The following NAALADL2 variants were observed in gnomAD, a reference collection of about 807,000 sequenced individuals.
The protein encoded by NAALADL2 is N-acetylated alpha-linked acidic dipeptidase like 2.
Under a neutral mutation model 87.2 loss-of-function variants are expected in NAALADL2, and 76 were observed. That is an observed-to-expected ratio of 0.87 (90% CI 0.72 to 1.05). The LOEUF (loss-of-function observed/expected upper bound fraction) is 1.05. NAALADL2 is among the 50% of genes least tolerant of loss of function. The pLI, the probability that NAALADL2 is intolerant of heterozygous loss-of-function variation, is 0.00. For missense variants in NAALADL2, 1,089 were observed against 945.8 expected (o/e 1.15, Z -1.99); for synonymous variants, 354 against 331.0 (o/e 1.07, Z -0.75).
intron 9 of NAALADL2, among the ~76,000 whole-genome samples, chr3:175,565,297 G>C (rs1352450733): frequency 6.6e-6 from 1 of 152,138 alleles, no homozygotes; most frequent in African/African-American, 2.4e-5. Flanking sequence ...CATCTAATAT[G>C]ATGTCCATTT....
chr3:174,585,662 GT>G (rs927078755), intron 2 of NAALADL2, among the ~76,000 whole-genome samples: 5 of 142,114 alleles, frequency 3.5e-5, no homozygotes, highest in African/African-American at 5.1e-5. Flanking sequence ...AGTTTTTTTT[GT>G]TTTTTTTTTA....
Position 175,256,408 on chromosome 3 carries a change from C to T in NAALADL2, c.820-3C>T. 1 of 1,601,274 alleles carries T rather than the reference C, an allele frequency of 6.2e-7. No homozygotes were observed. ...TTTTTCTTTGTTTTTTCTCCTCTTT[C>T]AGGCTGAAGTCATCGATGTGAGTTA... On this transcript the variant is annotated splice_region_variant and splice_polypyrimidine_tract_variant and intron_variant, in intron 3 of 13. Transcript: ENST00000454872.
At chr3:174,527,782 G>A (rs1720895116) in intron 1 of NAALADL2, among the ~76,000 whole-genome samples, 1 of 152,084 alleles carries the variant, frequency 6.6e-6, no homozygotes, top group South Asian at 2.1e-4. Flanking sequence ...TCAAACATAA[G>A]TGTTTCTTAT....
rs182725005 is a variant in NAALADL2, at chr3:175,804,061, T to C, written c.*858T>C. ...AAGCATCTCACATTGGTTTTCTTTC[T>C]TGTATCTTTTCTGAAACTCCTTGCT... On this transcript the variant is annotated 3_prime_UTR_variant, in exon 14 of 14. Coordinates refer to ENST00000454872, the MANE Select transcript of NAALADL2 (RefSeq NM_207015.3). 58 of 152,068 alleles carry C rather than the reference T, an allele frequency of 3.8e-4. No homozygotes were observed. Among genetic ancestry groups the C allele is most frequent in the African/African-American group, 1.3e-3 (56 of 41,542 alleles). 9.4% of individuals were successfully genotyped at this position (152,068 alleles called of 1,614,324 possible). A position where few individuals can be genotyped will look rare whatever the true frequency, so the allele number is the denominator to read the frequency against.
chr3:175,114,698 G>C (rs1408738577), intron 2 of NAALADL2, among the ~76,000 whole-genome samples: 2 of 151,446 alleles, frequency 1.3e-5, no homozygotes, highest in Non-Finnish European at 3.0e-5. Flanking sequence ...TTTTAGCCAT[G>C]GTTCAAATGT....
intron 1 of NAALADL2, among the ~76,000 whole-genome samples, chr3:174,871,670 G>A (rs1033181268): frequency 1.2e-4 from 19 of 152,184 alleles, no homozygotes; most frequent in Non-Finnish European, 2.6e-4. Flanking sequence ...AGGCCAAGGT[G>A]GGTGGATCAC....
At chr3:175,650,045 A>G (rs1730541818) in intron 11 of NAALADL2, among the ~76,000 whole-genome samples, 1 of 134,950 alleles carries the variant, frequency 7.4e-6, no homozygotes, top group Admixed American at 7.8e-5. Flanking sequence ...ATTATTCAGA[A>G]TAACCCCACA....
chr3:175,576,201 A>C lies in NAALADL2; in HGVS notation c.1800+14A>C. ...AAAACATTAGAGGTGATTGTTCCTA[A>C]AAAATGCAAAACACACACACACAAT... On this transcript the variant is annotated intron_variant, in intron 10 of 13. Transcript: ENST00000454872. 1.0e-5 allele frequency: 16 copies of C among 1,608,020 alleles called. No individual in the cohort carries two copies. Among genetic ancestry groups the C allele is most frequent in the Non-Finnish European group, 1.4e-5 (16 of 1,177,420 alleles).
intron 5 of NAALADL2, among the ~76,000 whole-genome samples, chr3:175,364,906 A>G (rs1220078705): frequency 6.8e-6 from 1 of 147,830 alleles, no homozygotes; most frequent in Non-Finnish European, 1.5e-5. Context: ...ATTTTTTGAC[A>G]AATATGTTTT....
chr3:174,547,202 T>G (rs2108482323), intron 1 of NAALADL2, among the ~76,000 whole-genome samples: 1 of 152,254 alleles, frequency 6.6e-6, no homozygotes, highest in African/African-American at 2.4e-5. Context: ...CATGAAATGA[T>G]AATAAGCATA....
intron 2 of NAALADL2, among the ~76,000 whole-genome samples, chr3:175,226,638 T>A (rs555669925): frequency 6.6e-6 from 1 of 152,236 alleles, no homozygotes; most frequent in East Asian, 1.9e-4. Flanking sequence ...TATCAAGAGT[T>A]TTTTGTGATG....
intron 1 of NAALADL2, among the ~76,000 whole-genome samples, chr3:174,489,321 A>G (rs1386292653): frequency 6.6e-6 from 1 of 151,974 alleles, no homozygotes; most frequent in African/African-American, 2.4e-5. Flanking sequence ...ACTTCCTACT[A>G]TATACAAAAA....
In NAALADL2 at chr3:174,967,094, T is replaced by C. The variant is rs7626447; in HGVS notation, c.43+107644T>C. Among the ~76,000 whole-genome samples, 1,250 of 152,272 alleles carry C rather than the reference T, an allele frequency of 8.2e-3. 11 individuals are homozygous for C. Among genetic ancestry groups the C allele is most frequent in the African/African-American group, 0.028 (1,163 of 41,568 alleles). ...CTGTTAGTATCATCTGGAGACCTTC[T>C]TTAAAAATCAAGTAATAACTGGATT... On this transcript the variant is annotated intron_variant, in intron 1 of 13. Transcript: ENST00000454872.
At chr3:175,315,924 A>G (rs1201165274) in intron 4 of NAALADL2, among the ~76,000 whole-genome samples, 1 of 152,180 alleles carries the variant, frequency 6.6e-6, no homozygotes, top group Non-Finnish European at 1.5e-5. Context: ...CCTCACCAAT[A>G]GTTTAGAAGC....
chr3:174,488,975 C>T (rs566262286), intron 1 of NAALADL2, among the ~76,000 whole-genome samples: 1 of 152,146 alleles, frequency 6.6e-6, no homozygotes, highest in African/African-American at 2.4e-5. Context: ...AGCATACTCC[C>T]CTTTCTAACA....
intron 11 of NAALADL2, among the ~76,000 whole-genome samples, chr3:175,688,485 T>C (rs969303008): frequency 6.6e-6 from 1 of 152,154 alleles, no homozygotes; most frequent in African/African-American, 2.4e-5. Context: ...ATTTAGCCTG[T>C]AATCATTTAC....
chr3:175,566,499 A>AT (rs1251523413), intron 9 of NAALADL2, among the ~76,000 whole-genome samples: 1 of 152,092 alleles, frequency 6.6e-6, no homozygotes, highest in African/African-American at 2.4e-5. Context: ...AAACAGATTC[A>AT]TTTTTCTTTC....
At chr3:175,612,136 A>G (rs1028314407) in intron 10 of NAALADL2, among the ~76,000 whole-genome samples, 2 of 152,298 alleles carry the variant, frequency 1.3e-5, no homozygotes, top group Admixed American at 6.5e-5. Flanking sequence ...AGAAATATAT[A>G]CATAATTTAT....
intron 3 of NAALADL2, among the ~76,000 whole-genome samples, chr3:174,759,545 T>A (rs887113782): frequency 6.6e-6 from 1 of 152,202 alleles, no homozygotes; most frequent in Admixed American, 6.5e-5. Context: ...ATTATTTGTA[T>A]TATACACTTT....
Sources: allele counts gnomAD v4.1 joint callset (sites outside exome capture counted in the v4.1 genomes callset), GRCh38; gene constraint gnomAD v4.1.1; transcripts MANE v1.5; gene names NCBI Gene and HGNC (gene_info 2026-07-23, HGNC 2026-07-21).